EXD3: variants seen among roughly 807,000 people sequenced by gnomAD.
EXD3 encodes the protein exonuclease mut-7 homolog.
Under a neutral mutation model 98.0 loss-of-function variants are expected in EXD3, and 92 were observed. The observed-to-expected ratio is 0.94, with a 90% CI of 0.79 to 1.12. EXD3 has a LOEUF of 1.12. Ranked by LOEUF, EXD3 falls within the 50% of genes most tolerant of loss-of-function variation. The pLI is 0.00. For missense variants in EXD3, 1,222 were observed against 1,191.6 expected (o/e 1.03, Z -0.38); for synonymous variants, 569 against 526.0 (o/e 1.08, Z -1.12).
chr9:137,369,783 G>A (rs929144580), intron 5 of EXD3, among the ~76,000 whole-genome samples: 16 of 152,216 alleles, frequency 1.1e-4, no homozygotes, highest in African/African-American at 2.2e-4. Context: ...TGTCCCGCAC[G>A]CTGCGACCCC....
chr9:137,400,845 A>G (rs1476489571), intron 1 of EXD3, among the ~76,000 whole-genome samples: 1 of 152,172 alleles, frequency 6.6e-6, no homozygotes, highest in Non-Finnish European at 1.5e-5. Flanking sequence ...GAAATCCAGA[A>G]GGGCAGTCAA....
At chr9:137,372,832 T>C in intron 5 of EXD3, 73 bp downstream of exon 5, 2 of 1,510,510 alleles carry the variant, frequency 1.3e-6, no homozygotes, top group Non-Finnish European at 1.8e-6. Context: ...GAGGCGGCCC[T>C]GAGCCAGGCG....
intron 7 of EXD3, chr9:137,365,750 A>T: frequency 3.1e-6 from 1 of 323,506 alleles, no homozygotes; most frequent in South Asian, 2.5e-5. Context: ...GCACACACAT[A>T]CATGCACACA....
At chr9:137,365,895 G>A (rs1453799531) in intron 7 of EXD3, 2 of 383,564 alleles carry the variant, frequency 5.2e-6, no homozygotes, top group Middle Eastern at 9.0e-4. Flanking sequence ...ACACCTGCAG[G>A]CACACACATA....
chr9:137,309,586 G>A (rs1360643924), intron 20 of EXD3, 21 bp downstream of exon 20: 3 of 1,547,480 alleles, frequency 1.9e-6, no homozygotes, highest in Non-Finnish European at 2.6e-6. Context: ...CAGACCCAGT[G>A]CCTGACCCTG....
intron 7 of EXD3, among the ~76,000 whole-genome samples, chr9:137,364,862 G>A (rs1368688506): frequency 6.8e-6 from 1 of 147,354 alleles, no homozygotes; most frequent in Non-Finnish European, 1.5e-5. Context: ...TCCGCCTCCT[G>A]GGTTCACGCT....
intron 17 of EXD3, among the ~76,000 whole-genome samples, chr9:137,332,384 T>C (rs562608187): frequency 6.6e-6 from 1 of 151,120 alleles, no homozygotes; most frequent in Non-Finnish European, 1.5e-5. Context: ...GGTCAGGAGA[T>C]CGAGACCAGC....
Position 137,347,951 on chromosome 9 carries a change from C to G in EXD3, c.1998+120G>C. ...ACCCCGTCCTGTTCCCAGAGCCTGCCTGGCACAGCTGGCAGCCATGGATGA... is the reference window on the plus strand; with the variant it reads ...ACCCCGTCCTGTTCCCAGAGCCTGCGTGGCACAGCTGGCAGCCATGGATGA... On this transcript the variant is annotated intron_variant, in intron 17 of 21. Transcript: ENST00000340951. This position sits in a 1 kb window ranked among gnomAD's most constrained non-coding sequence, Gnocchi z 4.2. 8.0e-7 allele frequency: 1 copy of G among 1,253,826 alleles called. No homozygotes were observed. Among genetic ancestry groups the G allele is most frequent in the Non-Finnish European group, 1.1e-6 (1 of 916,808 alleles). 77.7% of individuals were successfully genotyped at this position (1,253,826 alleles called of 1,614,324 possible).
intron 1 of EXD3, among the ~76,000 whole-genome samples, chr9:137,406,280 C>A (rs1837708989): frequency 8.4e-5 from 11 of 130,778 alleles, no homozygotes; most frequent in South Asian, 2.5e-4. Context: ...AAATAAAAGG[C>A]AAGGAAAAAG....
intron 2 of EXD3, among the ~76,000 whole-genome samples, chr9:137,387,781 C>T (rs929672908): frequency 5.9e-5 from 9 of 152,194 alleles, no homozygotes; most frequent in African/African-American, 1.7e-4. Flanking sequence ...TCCCTGAGGT[C>T]GCCTCCTCGT....
At chr9:137,354,221 C>T in intron 10 of EXD3, 118 bp downstream of exon 10, 1 of 1,495,598 alleles carries the variant, frequency 6.7e-7, no homozygotes, top group South Asian at 1.2e-5. Flanking sequence ...GGTCTGGGCT[C>T]AGCAGCCCCA....
chr9:137,364,515 G>A (rs556918157), intron 7 of EXD3, among the ~76,000 whole-genome samples: 1 of 151,922 alleles, frequency 6.6e-6, no homozygotes, highest in East Asian at 1.9e-4. Flanking sequence ...CCAGTTACTT[G>A]GGAGGCTGAG....
At chr9:137,319,478 C>G (rs1156500399) in intron 19 of EXD3, among the ~76,000 whole-genome samples, 1 of 152,224 alleles carries the variant, frequency 6.6e-6, no homozygotes, top group Admixed American at 6.5e-5. Context: ...GCCAAGCTCC[C>G]AGGGTTCAGC....
chr9:137,372,826 C>A, intron 5 of EXD3, 79 bp downstream of exon 5: 3 of 1,441,774 alleles, frequency 2.1e-6, no homozygotes, highest in Non-Finnish European at 1.9e-6. Context: ...CACACAGAGG[C>A]GGCCCTGAGC....
In EXD3 at chr9:137,324,217, C is replaced by A. The variant is rs1178981281; in HGVS notation, c.1999-74G>T. On this transcript the variant is annotated intron_variant, in intron 17 of 21. Transcript: ENST00000340951. This position sits in a 1 kb window ranked among gnomAD's most constrained non-coding sequence, Gnocchi z 4.1. ...TGGACTGGGCCACCTCTGCTCGCCACCCCCTAGCTCCCCGGATCGTGGCCC... is the reference window on the plus strand; with the variant it reads ...TGGACTGGGCCACCTCTGCTCGCCAACCCCTAGCTCCCCGGATCGTGGCCC... 3.9e-6 allele frequency: 5 copies of A among 1,278,346 alleles called. No homozygotes were observed. In the African/African-American group the frequency reaches 4.4e-5, roughly 11 times the overall value. 79.2% of individuals were successfully genotyped at this position (1,278,346 alleles called of 1,614,324 possible).
chr9:137,392,124 T>G (rs1051061673), intron 2 of EXD3: 1 of 152,344 alleles, frequency 6.6e-6, no homozygotes, highest in African/African-American at 2.4e-5. Flanking sequence ...TGAGCCACCA[T>G]AATCCTGGCC....
At chr9:137,355,530 A>G (rs1834642465) in intron 8 of EXD3, among the ~76,000 whole-genome samples, 1 of 117,752 alleles carries the variant, frequency 8.5e-6, no homozygotes, top group Non-Finnish European at 1.7e-5. Context: ...AGGAGGATGG[A>G]GGAAGGAGGA....
At chr9:137,340,011 C>G (rs546540488) in intron 17 of EXD3, among the ~76,000 whole-genome samples, 9 of 152,204 alleles carry the variant, frequency 5.9e-5, no homozygotes, top group African/African-American at 1.9e-4. Context: ...TCAGTAAGAG[C>G]CAGGGGCATT....
At chr9:137,368,779 C>T (rs1287659192) in intron 5 of EXD3, among the ~76,000 whole-genome samples, 1 of 148,360 alleles carries the variant, frequency 6.7e-6, no homozygotes, top group Admixed American at 6.7e-5. Flanking sequence ...CAGCGCTGAC[C>T]CGGCGCCTCT....
Sources: allele counts gnomAD v4.1 joint callset (sites outside exome capture counted in the v4.1 genomes callset), GRCh38; gene constraint gnomAD v4.1.1; non-coding constraint Gnocchi (gnomAD v3.1); transcripts MANE v1.5; gene names NCBI Gene and HGNC (gene_info 2026-07-23, HGNC 2026-07-21).